Variants in GABRB2 observed in about 807,000 individuals in gnomAD.
The protein encoded by GABRB2 is gamma-aminobutyric acid receptor subunit beta-2.
GABRB2 carries 16 observed loss-of-function variants against 54.7 expected under a neutral mutation model. The ratio of observed to expected loss-of-function variants is 0.29; its 90% CI spans 0.20 to 0.44. The LOEUF (loss-of-function observed/expected upper bound fraction) is 0.44, where lower values mean the gene tolerates loss of function less well. Among genes scored for constraint, GABRB2 ranks in the 20% least tolerant of loss-of-function variants. The pLI is 1.00. For missense variants in GABRB2, 355 were observed against 644.0 expected, an observed-to-expected ratio of 0.55 and a Z score of 4.86; for synonymous variants, 244 against 233.8, an observed-to-expected ratio of 1.04 and a Z score of -0.40.
chr5:161,429,523 T>A (rs377609567), intron 4 of GABRB2, among the ~76,000 whole-genome samples: 3 of 151,494 alleles, frequency 2.0e-5, no homozygotes, highest in African/African-American at 7.3e-5. Flanking sequence ...CAGCATGGAG[T>A]AGTGTGAGCA....
chr5:161,312,146 A>G (rs1757889101), intron 9 of GABRB2, among the ~76,000 whole-genome samples: 1 of 152,132 alleles, frequency 6.6e-6, no homozygotes, highest in South Asian at 2.1e-4. Context: ...TCACCCAGGG[A>G]TGCCTTGTGC....
chr5:161,458,668 C>A (rs1315347660), intron 4 of GABRB2, among the ~76,000 whole-genome samples: 1 of 152,202 alleles, frequency 6.6e-6, no homozygotes, highest in Non-Finnish European at 1.5e-5. Flanking sequence ...TAATCTTTGG[C>A]AAATTGCATC....
At chr5:161,486,401 G>T (rs773672136) in intron 3 of GABRB2, among the ~76,000 whole-genome samples, 8 of 151,938 alleles carry the variant, frequency 5.3e-5, no homozygotes, top group Non-Finnish European at 1.2e-4. Flanking sequence ...TAAACATCTT[G>T]CCCATTGACT....
chr5:161,307,327 A>T (rs1757717965), intron 9 of GABRB2, among the ~76,000 whole-genome samples: 3 of 152,252 alleles, frequency 2.0e-5, no homozygotes, highest in African/African-American at 7.2e-5. Context: ...TCTTCACATT[A>T]GAATGTGGTC....
At chr5:161,326,914 T>A (rs1758381382) in intron 8 of GABRB2, 1 of 790,058 alleles carries the variant, frequency 1.3e-6, no homozygotes, top group Admixed American at 6.3e-5. Flanking sequence ...ATATGCGTGT[T>A]CTTAGTATTT....
At chr5:161,437,603 C>T (rs940359586) in intron 4 of GABRB2, among the ~76,000 whole-genome samples, 8 of 152,028 alleles carry the variant, frequency 5.3e-5, no homozygotes, top group African/African-American at 1.9e-4. Context: ...CTTGGGGTCC[C>T]CTATTCCAGG....
chr5:161,425,289 C>CA (rs1756966233), intron 4 of GABRB2, among the ~76,000 whole-genome samples: 1 of 152,080 alleles, frequency 6.6e-6, no homozygotes, highest in South Asian at 2.1e-4. Flanking sequence ...AAGCATGCCA[C>CA]AGAGAAATCT....
At chr5:161,445,532 C>T (rs1346426293) in intron 4 of GABRB2, among the ~76,000 whole-genome samples, 18 of 152,076 alleles carry the variant, frequency 1.2e-4, no homozygotes, top group Admixed American at 1.2e-3. Flanking sequence ...GGACATGTCT[C>T]ATTACAGCCT....
intron 4 of GABRB2, among the ~76,000 whole-genome samples, chr5:161,420,670 C>T (rs531322230): frequency 1.1e-4 from 17 of 152,306 alleles, no homozygotes; most frequent in East Asian, 1.9e-4. Context: ...GGCTGCAGAG[C>T]GGGTGGCAAC....
chr5:161,473,012 A>G (rs1187423229), intron 3 of GABRB2, among the ~76,000 whole-genome samples: 2 of 152,014 alleles, frequency 1.3e-5, no homozygotes, highest in Non-Finnish European at 2.9e-5. Flanking sequence ...AGAATTTCAG[A>G]TTCTAAATAA....
intron 9 of GABRB2, among the ~76,000 whole-genome samples, chr5:161,306,205 G>A (rs1757686389): frequency 6.6e-6 from 1 of 152,236 alleles, no homozygotes; most frequent in Non-Finnish European, 1.5e-5. Context: ...AGGCAAGAGG[G>A]AAATTATAAC....
At chr5:161,344,149 T>C (rs554762153) in intron 5 of GABRB2, among the ~76,000 whole-genome samples, 26 of 152,200 alleles carry the variant, frequency 1.7e-4, no homozygotes, top group Middle Eastern at 6.8e-3. Flanking sequence ...ACAAAATTTT[T>C]TCTGAACAAA....
At chr5:161,394,468 C>A (rs1314682540) in intron 5 of GABRB2, among the ~76,000 whole-genome samples, 5 of 151,788 alleles carry the variant, frequency 3.3e-5, no homozygotes, top group Non-Finnish European at 1.5e-5. Context: ...CAAAACTGAT[C>A]AATGATAGAG....
At position 161,336,680 on chromosome 5, in the gene GABRB2, A is replaced by AGAACTGTG; in HGVS notation, c.623_630dup (p.Ser211HisfsTer6). ...GTGATAAGTTTGTAATCTACAATAG[A>AGAACTGTG]GAACTGTGGAAGTTCAATTTTCGTT... On this transcript the variant is annotated frameshift_variant, in exon 6 of 10. Coordinates refer to ENST00000393959, the MANE Select transcript of GABRB2 (RefSeq NM_001371727.1). LOFTEE classifies it high-confidence loss of function. The AGAACTGTG allele has an allele frequency of 6.2e-7, 1 of 1,613,570 alleles. No individual in the cohort carries two copies. The highest frequency in any genetic ancestry group is 8.5e-7 in the Non-Finnish European group (1 of 1,179,686).
chr5:161,542,082 C>T (rs945742756), intron 3 of GABRB2, among the ~76,000 whole-genome samples: 6 of 152,102 alleles, frequency 3.9e-5, no homozygotes, highest in African/African-American at 1.4e-4. Context: ...AGGGGGATGA[C>T]CCATTGGTGG....
chr5:161,318,696 A>G (rs1234849592), intron 9 of GABRB2, among the ~76,000 whole-genome samples: 2 of 152,026 alleles, frequency 1.3e-5, no homozygotes, highest in Non-Finnish European at 2.9e-5. Context: ...CTTTCAAATA[A>G]ACTTTAGAGT....
At chr5:161,492,248 T>C (rs1228097928) in intron 3 of GABRB2, among the ~76,000 whole-genome samples, 3 of 151,672 alleles carry the variant, frequency 2.0e-5, no homozygotes, top group African/African-American at 7.2e-5. Flanking sequence ...AATTAAAAAA[T>C]AATCCTCCAT....
At chr5:161,324,437 C>A (rs930012974) in intron 9 of GABRB2, among the ~76,000 whole-genome samples, 1 of 152,100 alleles carries the variant, frequency 6.6e-6, no homozygotes, top group African/African-American at 2.4e-5. Flanking sequence ...TTGCTTGGTA[C>A]TACATAAGGC....
chr5:161,398,670 G>GTT lies in GABRB2; in HGVS notation c.541+12303_541+12304dup, dbSNP rs141573028. 1.3e-3 allele frequency among the ~76,000 whole-genome samples: 189 copies of GTT among 148,028 alleles called. 1 individual carries two copies. In the East Asian group the frequency reaches 0.018, roughly 14 times the overall value. ...ACACTGTTTTTTTGTTTGTTTGTCT[G>GTT]TTTTTTTTGTTGTTGTTGTTTTTGT... On this transcript the variant is annotated intron_variant, in intron 5 of 9. Transcript: ENST00000393959.
Sources: allele counts gnomAD v4.1 joint callset (sites outside exome capture counted in the v4.1 genomes callset), GRCh38; gene constraint gnomAD v4.1.1; transcripts MANE v1.5; gene names NCBI Gene and HGNC (gene_info 2026-07-23, HGNC 2026-07-21).